The following CDH18 variants were observed in gnomAD, a reference collection of about 807,000 sequenced individuals.
CDH18 encodes cadherin-18.
In CDH18, 31 loss-of-function variants were observed where a neutral mutation model predicts 67.9. The observed-to-expected ratio is 0.46, with a 90% confidence interval of 0.34 to 0.62. The LOEUF (loss-of-function observed/expected upper bound fraction) is 0.62. Among genes scored for constraint, CDH18 ranks in the 20% least tolerant of loss-of-function variants. The probability of loss-of-function intolerance (pLI) is 0.01; values close to 1 mark genes in which losing one functional copy is unlikely to be tolerated. For missense variants in CDH18, 890 were observed against 975.5 expected, an observed-to-expected ratio of 0.91 and a Z score of 1.17; for synonymous variants, 362 against 347.2, an observed-to-expected ratio of 1.04 and a Z score of -0.48.
intron 5 of CDH18, among the ~76,000 whole-genome samples, chr5:19,715,000 T>A (rs1765171120): frequency 1.3e-5 from 2 of 152,086 alleles, no homozygotes; most frequent in South Asian, 2.1e-4. Context: ...ACAATTTAAA[T>A]ATTTTATTGT....
chr5:20,291,816 AC>A lies in CDH18; in HGVS notation c.-579-36312del, dbSNP rs548012502. Among the ~76,000 whole-genome samples, 899 of 152,300 alleles carry A rather than the reference AC, an allele frequency of 5.9e-3. 7 individuals carry two copies. The highest frequency in any genetic ancestry group is 0.013 in the South Asian group (62 of 4,824). ...TAGGTCCAAAGCAATTTTTCCAGGCACCCATTGATCCTAAACTGCCTTTATT... is the reference window on the plus strand; with the variant it reads ...TAGGTCCAAAGCAATTTTTCCAGGCACCATTGATCCTAAACTGCCTTTATT... On this transcript the variant is annotated intron_variant, in intron 1 of 14. Transcript: ENST00000507958.
intron 3 of CDH18, among the ~76,000 whole-genome samples, chr5:19,758,638 C>T (rs990373389): frequency 1.3e-5 from 2 of 152,284 alleles, no homozygotes; most frequent in African/African-American, 4.8e-5. Context: ...GCCTCCAAAA[C>T]CTAAATAGCC....
At chr5:20,531,196 C>T (rs1157853021) in intron 1 of CDH18, among the ~76,000 whole-genome samples, 2 of 152,088 alleles carry the variant, frequency 1.3e-5, no homozygotes, top group South Asian at 4.1e-4. Flanking sequence ...GAGATACCAT[C>T]TCACACTAGT....
chr5:19,925,921 T>C (rs1037076968), intron 2 of CDH18, among the ~76,000 whole-genome samples: 9 of 152,224 alleles, frequency 5.9e-5, no homozygotes, highest in Non-Finnish European at 1.3e-4. Flanking sequence ...GCACCAGGTA[T>C]GGTCTATGTG....
chr5:19,804,744 G>A (rs1407514978), intron 3 of CDH18, among the ~76,000 whole-genome samples: 4 of 152,088 alleles, frequency 2.6e-5, no homozygotes, highest in African/African-American at 7.2e-5. Context: ...TAATGAGGGC[G>A]ATGACTAAAA....
intron 2 of CDH18, among the ~76,000 whole-genome samples, chr5:19,922,198 T>C (rs901562369): frequency 3.9e-5 from 6 of 152,188 alleles, no homozygotes; most frequent in Admixed American, 6.5e-5. Context: ...CCCTCTAATA[T>C]AAAATAAACT....
At chr5:19,474,103 TATAG>T (rs1738039871) in intron 12 of CDH18, among the ~76,000 whole-genome samples, 1 of 152,170 alleles carries the variant, frequency 6.6e-6, no homozygotes, top group East Asian at 1.9e-4. Flanking sequence ...CTGGTCTCTC[TATAG>T]ATATTTAATC....
chr5:20,403,812 G>C (rs1186544368), intron 1 of CDH18, among the ~76,000 whole-genome samples: 2 of 152,210 alleles, frequency 1.3e-5, no homozygotes, highest in Non-Finnish European at 2.9e-5. Context: ...CTCCTAAAGT[G>C]AGAGTCGGCC....
At chr5:20,459,852 T>C (rs1477882827) in intron 1 of CDH18, among the ~76,000 whole-genome samples, 1 of 152,170 alleles carries the variant, frequency 6.6e-6, no homozygotes, top group Non-Finnish European at 1.5e-5. Flanking sequence ...TTAACAAATT[T>C]CCAACATTAG....
In CDH18 at chr5:19,715,652, A is replaced by G. The variant is rs138584835; in HGVS notation, c.643+5695T>C. On this transcript the variant is annotated intron_variant, in intron 5 of 12. Transcript: ENST00000382275. Reference sequence around the variant, plus strand: ...ATGTTTGGAAAGAATTTAATCGCATATAAGTTCATAATGTATCTTATCTTT... The same window carrying G: ...ATGTTTGGAAAGAATTTAATCGCATGTAAGTTCATAATGTATCTTATCTTT... Among the ~76,000 whole-genome samples, 632 of 152,286 alleles carry G rather than the reference A, an allele frequency of 4.2e-3. 2 individuals carry two copies. Among genetic ancestry groups the G allele is most frequent in the Middle Eastern group, 0.017 (5 of 294 alleles).
intron 2 of CDH18, among the ~76,000 whole-genome samples, chr5:20,076,339 C>T (rs2150533204): frequency 6.6e-6 from 1 of 151,918 alleles, no homozygotes; most frequent in South Asian, 2.1e-4. Context: ...AGATGATTGA[C>T]CTTGAATACT....
chr5:20,244,003 T>C (rs550550183), intron 2 of CDH18, among the ~76,000 whole-genome samples: 3 of 152,264 alleles, frequency 2.0e-5, no homozygotes, highest in Admixed American at 6.5e-5. Context: ...TTGAAAATTT[T>C]TGACATTCCT....
intron 2 of CDH18, among the ~76,000 whole-genome samples, chr5:19,885,786 A>G (rs1788131279): frequency 6.6e-6 from 1 of 152,168 alleles, no homozygotes; most frequent in African/African-American, 2.4e-5. Context: ...AAATACAGCT[A>G]TTTTTCATAA....
intron 11 of CDH18, among the ~76,000 whole-genome samples, chr5:19,495,390 C>T (rs117003081): frequency 1.3e-4 from 20 of 152,108 alleles, no homozygotes; most frequent in Admixed American, 7.9e-4. Context: ...AGGTAAAATA[C>T]GCAGTTTTTG....
At chr5:20,448,981 C>A (rs1049505211) in intron 1 of CDH18, among the ~76,000 whole-genome samples, 1 of 150,004 alleles carries the variant, frequency 6.7e-6, no homozygotes, top group African/African-American at 2.5e-5. Flanking sequence ...ACTAGAGCTT[C>A]CTGTTGCATG....
intron 5 of CDH18, among the ~76,000 whole-genome samples, chr5:19,678,921 G>A (rs1759872572): frequency 1.3e-5 from 2 of 151,874 alleles, no homozygotes; most frequent in African/African-American, 4.8e-5. Context: ...AAATTCAGGA[G>A]GAGGGACTCT....
intron 1 of CDH18, among the ~76,000 whole-genome samples, chr5:20,408,034 A>G (rs967812015): frequency 6.6e-6 from 1 of 152,068 alleles, no homozygotes; most frequent in Admixed American, 6.6e-5. Flanking sequence ...GACTTATAAC[A>G]TACAAGGGAA....
intron 4 of CDH18, among the ~76,000 whole-genome samples, chr5:19,746,490 C>T (rs1017470674): frequency 6.6e-6 from 1 of 152,094 alleles, no homozygotes; most frequent in Non-Finnish European, 1.5e-5. Context: ...GTAGCAACAG[C>T]TATTAATGGT....
At chr5:20,493,204 G>A (rs1270014428) in intron 1 of CDH18, among the ~76,000 whole-genome samples, 1 of 151,458 alleles carries the variant, frequency 6.6e-6, no homozygotes, top group African/African-American at 2.4e-5. Flanking sequence ...CAAAAAACTA[G>A]CCAGCATGGT....
Sources: allele counts gnomAD v4.1 joint callset (sites outside exome capture counted in the v4.1 genomes callset), GRCh38; gene constraint gnomAD v4.1.1; transcripts MANE v1.5; gene names NCBI Gene and HGNC (gene_info 2026-07-23, HGNC 2026-07-21).